ANGPT2: variants seen among roughly 807,000 people sequenced by gnomAD.
ANGPT2 encodes the protein angiopoietin 2.
In ANGPT2, 28 loss-of-function variants were observed where a neutral mutation model predicts 62.9. The ratio of observed to expected loss-of-function variants is 0.44; its 90% CI spans 0.33 to 0.61. The LOEUF (loss-of-function observed/expected upper bound fraction) is 0.61, where lower values mean the gene tolerates loss of function less well. ANGPT2 is among the 20% of genes least tolerant of loss of function. The probability of loss-of-function intolerance (pLI) is 0.03; values close to 1 mark genes in which losing one functional copy is unlikely to be tolerated. For synonymous variants in ANGPT2, 284 were observed against 207.8 expected, an observed-to-expected ratio of 1.37 and a Z score of -3.15; for missense variants, 727 against 594.9, an observed-to-expected ratio of 1.22 and a Z score of -2.31.
chr8:6,499,792 G>T lies in ANGPT2; in HGVS notation c.*3309C>A, dbSNP rs1232984474. On this transcript the variant is annotated 3_prime_UTR_variant, in exon 9 of 9. Coordinates refer to ENST00000629816, the MANE Select transcript of ANGPT2 (RefSeq NM_001118887.2). Reference sequence around the variant, plus strand: ...TGCTGTGTCTTCAAAGTGATTCTTGGTTTATTGCCTGCTAAGGCTAATAAA... The same window carrying T: ...TGCTGTGTCTTCAAAGTGATTCTTGTTTTATTGCCTGCTAAGGCTAATAAA... 9 of 1,476,952 alleles carry T rather than the reference G, an allele frequency of 6.1e-6. No individual in the cohort carries two copies. Among genetic ancestry groups the T allele is most frequent in the Non-Finnish European group, 7.6e-6 (8 of 1,057,578 alleles). 91.5% of individuals were successfully genotyped at this position (1,476,952 alleles called of 1,614,324 possible). A position where few individuals can be genotyped will look rare whatever the true frequency, so the allele number is the denominator to read the frequency against.
intron 3 of ANGPT2, among the ~76,000 whole-genome samples, chr8:6,523,439 A>G (rs990477139): frequency 1.3e-5 from 2 of 152,252 alleles, no homozygotes; most frequent in African/African-American, 4.8e-5. Flanking sequence ...AATGAAGAGC[A>G]TACCACTTTT....
intron 5 of ANGPT2, among the ~76,000 whole-genome samples, chr8:6,518,727 G>T (rs1261696255): frequency 1.3e-5 from 2 of 152,102 alleles, no homozygotes; most frequent in Admixed American, 6.5e-5. Flanking sequence ...TGTATTCTCT[G>T]TAGTTATTTG....
intron 8 of ANGPT2, among the ~76,000 whole-genome samples, chr8:6,506,385 G>C (rs1188864036): frequency 2.0e-5 from 3 of 151,954 alleles, no homozygotes; most frequent in Non-Finnish European, 4.4e-5. Context: ...CCTCTCCCCA[G>C]TCTCTTTTCC....
chr8:6,528,426 C>T (rs562314003), intron 2 of ANGPT2, among the ~76,000 whole-genome samples: 14 of 152,310 alleles, frequency 9.2e-5, no homozygotes, highest in African/African-American at 3.4e-4. Context: ...TCACATGCTT[C>T]CATTATATAA....
At chr8:6,510,584 C>T (rs931781841) in intron 7 of ANGPT2, among the ~76,000 whole-genome samples, 4 of 152,268 alleles carry the variant, frequency 2.6e-5, no homozygotes, top group South Asian at 2.1e-4. Context: ...CAGTGGTGGC[C>T]GCCATCTTTG....
chr8:6,534,775 AGT>A (rs1404069387), intron 1 of ANGPT2, among the ~76,000 whole-genome samples: 1 of 152,178 alleles, frequency 6.6e-6, no homozygotes, highest in Non-Finnish European at 1.5e-5. Flanking sequence ...CAGGCTTTTT[AGT>A]GTGTGTGATC....
intron 3 of ANGPT2, among the ~76,000 whole-genome samples, chr8:6,526,611 G>T (rs1554523374): frequency 1.3e-5 from 2 of 152,016 alleles, no homozygotes; most frequent in Non-Finnish European, 2.9e-5. Context: ...CTTAAACTTG[G>T]TATCCAAAGG....
rs116288315 is a variant in ANGPT2 at position 6,551,331 on chromosome 8, T to C, written c.288+11316A>G. Among the ~76,000 whole-genome samples the C allele has an allele frequency of 6.2e-3, 937 of 152,288 alleles. 7 individuals are homozygous for C. Among genetic ancestry groups the C allele is most frequent in the African/African-American group, 0.022 (898 of 41,552 alleles). On this transcript the variant is annotated intron_variant, in intron 1 of 8. Coordinates refer to ENST00000629816, the MANE Select transcript of ANGPT2 (RefSeq NM_001118887.2). Reference sequence around the variant, plus strand: ...GAAGAATAGTGTGCCATCAATTAATTCTATGCATGTCAGCTGCAACGCCTT... The same window carrying C: ...GAAGAATAGTGTGCCATCAATTAATCCTATGCATGTCAGCTGCAACGCCTT...
intron 1 of ANGPT2, 92 bp downstream of exon 1, chr8:6,562,555 T>TTTTTTTTTTTTTTTTTTTTTTG: frequency 6.1e-6 from 1 of 162,742 alleles, no homozygotes; most frequent in Non-Finnish European, 1.1e-5. Flanking sequence ...CCTCCTTCTT[T>TTTTTTTTTTTTTTTTTTTTTTG]TTTTTTTTTT....
At position 6,563,178 on chromosome 8, in the gene ANGPT2, G is replaced by A. The variant is rs1413498405; in HGVS notation, c.-244C>T. On this transcript the variant is annotated 5_prime_UTR_variant, in exon 1 of 9. Transcript: ENST00000629816. ...ACAGTCCTGCTCACTTGGGAGGGCT[G>A]TGTCAGCTTTTACAGAGCAGCTTTC... The A allele has an allele frequency of 8.2e-6, 3 of 364,496 alleles. No individual in the cohort carries two copies. Among genetic ancestry groups the A allele is most frequent in the Admixed American group, 7.6e-5 (2 of 26,194 alleles). The allele number at this position is 364,496 out of a possible 1,614,324, so 22.6% of individuals were successfully genotyped here.
intron 5 of ANGPT2, among the ~76,000 whole-genome samples, chr8:6,516,586 G>T (rs1428655117): frequency 6.6e-6 from 1 of 152,180 alleles, no homozygotes; most frequent in Non-Finnish European, 1.5e-5. Flanking sequence ...CAACAAAATG[G>T]TCAGTGCTGC....
chr8:6,523,991 C>A (rs759594587), intron 3 of ANGPT2, among the ~76,000 whole-genome samples: 1 of 151,826 alleles, frequency 6.6e-6, no homozygotes, highest in Non-Finnish European at 1.5e-5. Flanking sequence ...GCAGGAAAAG[C>A]AGCAACTAAA....
chr8:6,538,724 C>G (rs1209913366), intron 1 of ANGPT2, among the ~76,000 whole-genome samples: 1 of 152,156 alleles, frequency 6.6e-6, no homozygotes, highest in Non-Finnish European at 1.5e-5. Flanking sequence ...TGTGTCATTT[C>G]ATTTTAAATC....
rs71213313 is a variant in ANGPT2, at chr8:6,527,899, A to ATTTTTTTTTTTTTT, written c.445-237_445-224dup. Reference sequence around the variant, plus strand: ...TTTTTACTCTTTTCCCCACGTCTCTATTTTTTTTTTTTTTGAGATGGAATC... The same window carrying ATTTTTTTTTTTTTT: ...TTTTTACTCTTTTCCCCACGTCTCTATTTTTTTTTTTTTTTTTTTTTTTTTTTTGAGATGGAATC... On this transcript the variant is annotated intron_variant, in intron 2 of 8. Transcript: ENST00000629816. Among the ~76,000 whole-genome samples the ATTTTTTTTTTTTTT allele has an allele frequency of 1.0e-3, 136 of 133,126 alleles. 1 individual carries two copies. The highest frequency in any genetic ancestry group is 1.3e-3 in the African/African-American group (48 of 37,876). 87.3% of individuals were successfully genotyped at this position (133,126 alleles called of 152,430 possible).
intron 7 of ANGPT2, among the ~76,000 whole-genome samples, chr8:6,510,817 T>G (rs750216736): frequency 2.0e-4 from 30 of 152,198 alleles, no homozygotes; most frequent in Middle Eastern, 3.2e-3. Flanking sequence ...CTAAGTGACT[T>G]CAGTATTAAG....
At chr8:6,550,467 C>T (rs1479936922) in intron 1 of ANGPT2, among the ~76,000 whole-genome samples, 12 of 152,244 alleles carry the variant, frequency 7.9e-5, no homozygotes, top group East Asian at 1.9e-4. Flanking sequence ...CGCGTCCTCA[C>T]CTCCCCTCCG....
intron 3 of ANGPT2, among the ~76,000 whole-genome samples, chr8:6,526,906 G>T (rs1200670511): frequency 2.6e-5 from 4 of 151,942 alleles, no homozygotes; most frequent in Non-Finnish European, 4.4e-5. Context: ...TTGATCTTGA[G>T]ATTTTTCTAT....
At chr8:6,514,890 C>G (rs1815945780) in intron 5 of ANGPT2, 112 bp from the exon 6 acceptor site, 2 of 842,202 alleles carry the variant, frequency 2.4e-6, no homozygotes, top group Non-Finnish European at 3.9e-6. Flanking sequence ...AGAGGGTTCT[C>G]TGGGATATAA....
At chr8:6,543,539 C>G (rs1821989259) in intron 1 of ANGPT2, among the ~76,000 whole-genome samples, 1 of 152,170 alleles carries the variant, frequency 6.6e-6, no homozygotes, top group South Asian at 2.1e-4. Context: ...TAAACCCGCC[C>G]AAACCATAGG....
Sources: gnomAD v4.1 joint callset for allele counts (sites outside exome capture counted in the v4.1 genomes callset) on GRCh38, gnomAD v4.1.1 for gene constraint, MANE v1.5 for transcripts, NCBI Gene and HGNC (gene_info 2026-07-23, HGNC 2026-07-21) for gene names.